The following COL27A1 variants were observed in gnomAD, a reference collection of about 807,000 sequenced individuals.
COL27A1 encodes the protein collagen type XXVII alpha 1 chain.
In COL27A1, 106 loss-of-function variants were observed where a neutral mutation model predicts 251.3. The ratio of observed to expected loss-of-function variants is 0.42; its 90% confidence interval spans 0.36 to 0.50. COL27A1 has a LOEUF of 0.50. Ranked by LOEUF, COL27A1 falls within the 20% of genes least tolerant of loss-of-function variation. The pLI is 0.00. For synonymous variants in COL27A1, 1,000 were observed against 986.3 expected (o/e 1.01, Z -0.26); for missense variants, 2,325 against 2,522.8 (o/e 0.92, Z 1.68).
intron 3 of COL27A1, among the ~76,000 whole-genome samples, chr9:114,176,673 T>C (rs1175502932): frequency 2.0e-5 from 3 of 152,082 alleles, no homozygotes; most frequent in African/African-American, 7.2e-5. Context: ...ACAACCCCTC[T>C]ACCCACCCCT....
At chr9:114,288,632 C>T (rs1827683299) in intron 42 of COL27A1, 70 bp from the exon 43 acceptor site, 1 of 1,569,532 alleles carries the variant, frequency 6.4e-7, no homozygotes. Context: ...GAGGTCGCGG[C>T]CAACAGGGCC....
chr9:114,236,112 G>T (rs1487710281), intron 17 of COL27A1, among the ~76,000 whole-genome samples: 2 of 151,690 alleles, frequency 1.3e-5, no homozygotes, highest in Non-Finnish European at 2.9e-5. Flanking sequence ...CACACACACA[G>T]ACTGCTACCC....
At chr9:114,252,770 G>A in intron 26 of COL27A1, 109 bp from the exon 27 acceptor site, 4 of 1,399,254 alleles carry the variant, frequency 2.9e-6, no homozygotes, top group South Asian at 1.2e-5. Flanking sequence ...TGTCCAGGGG[G>A]CCTAGCTGCT....
At chr9:114,253,394 AAG>A (rs929556755) in intron 27 of COL27A1, among the ~76,000 whole-genome samples, 18 of 115,540 alleles carry the variant, frequency 1.6e-4, no homozygotes, top group East Asian at 4.2e-4. Context: ...AGAAAAAAGA[AAG>A]AGGAAAAAAG....
At chr9:114,288,560 G>T in intron 42 of COL27A1, 49 bp downstream of exon 42, 1 of 1,569,740 alleles carries the variant, frequency 6.4e-7, no homozygotes, top group East Asian at 2.3e-5. Context: ...GGTGGAATCT[G>T]AGCCTCCCGC....
intron 41 of COL27A1, among the ~76,000 whole-genome samples, chr9:114,285,434 C>T (rs567494558): frequency 2.2e-4 from 33 of 152,276 alleles, no homozygotes; most frequent in Admixed American, 5.2e-4. Context: ...AAACTGGCCC[C>T]AGAACCCACG....
chr9:114,282,524 C>A lies in COL27A1; in HGVS notation c.3839C>A (p.Thr1280Asn). 1 of 1,562,234 alleles carries A rather than the reference C, an allele frequency of 6.4e-7. No individual in the cohort carries two copies. The highest frequency in any genetic ancestry group is 1.4e-5 in the African/African-American group (1 of 73,280). ...GVPGDPGPPG[T>N]PGPKGSRGSL... Reference sequence around the variant, plus strand: ...CCTGGAGACCCTGGACCCCCTGGCACTCCAGGCCCTAAAGGGTCCCGGGGC... The same window carrying A: ...CCTGGAGACCCTGGACCCCCTGGCAATCCAGGCCCTAAAGGGTCCCGGGGC... Residue 1280 changes from threonine to asparagine, a missense_variant, in exon 39 of 61, where the codon ACT becomes AAT. Thr to Asn is a moderately conservative substitution (Grantham distance 65). Coordinates refer to ENST00000356083, the MANE Select transcript of COL27A1 (RefSeq NM_032888.4).
rs775492712 is a variant in COL27A1, at chr9:114,283,789, C to T, written c.3933+27C>T. On this transcript the variant is annotated intron_variant, in intron 40 of 60. Transcript: ENST00000356083. Reference sequence around the variant, plus strand: ...TAAGCAGATATCACCTCACCCCACCCCCCGACTCTGTCCTGCAGGCCTGGA... The same window carrying T: ...TAAGCAGATATCACCTCACCCCACCTCCCGACTCTGTCCTGCAGGCCTGGA... 4 of 1,612,450 alleles carry T rather than the reference C, an allele frequency of 2.5e-6. No individual in the cohort carries two copies. In the Admixed American group the frequency reaches 6.7e-5, roughly 27 times the overall value.
intron 10 of COL27A1, among the ~76,000 whole-genome samples, chr9:114,207,103 C>T (rs150684544): frequency 2.7e-3 from 415 of 152,326 alleles, no homozygotes; most frequent in African/African-American, 9.4e-3. Flanking sequence ...CCAAGTCTTC[C>T]GAGGCCTGGA....
chr9:114,165,661 C>G (rs1403183319), intron 2 of COL27A1, among the ~76,000 whole-genome samples: 1 of 150,470 alleles, frequency 6.6e-6, no homozygotes, highest in Admixed American at 6.6e-5. Flanking sequence ...TCCATCCATC[C>G]ATCCATCCAT....
Position 114,302,121 on chromosome 9 carries a change from CCTT to C in COL27A1, c.4872+16_4872+18del. 1.9e-6 allele frequency: 3 copies of C among 1,610,616 alleles called. No homozygotes were observed. Among genetic ancestry groups the C allele is most frequent in the South Asian group, 1.1e-5 (1 of 91,010 alleles). ...TCCTATCCAATTGGTAAGTTGGAAA[CCTT>C]CTCTTTTGCCTACTTGGGGTAAGGC... On this transcript the variant is annotated intron_variant, in intron 56 of 60. Coordinates refer to ENST00000356083, the MANE Select transcript of COL27A1 (RefSeq NM_032888.4).
At chr9:114,275,638 C>G in intron 36 of COL27A1, 23 bp from the exon 37 acceptor site, 1 of 1,484,586 alleles carries the variant, frequency 6.7e-7, no homozygotes, top group Non-Finnish European at 9.2e-7. Context: ...CTCTCTCTCC[C>G]CTCTTCATGC....
At chr9:114,215,774 C>A (rs544404186) in intron 12 of COL27A1, among the ~76,000 whole-genome samples, 180 of 152,296 alleles carry the variant, frequency 1.2e-3, no homozygotes, top group Non-Finnish European at 2.2e-3. Context: ...TATTCCCACT[C>A]TTGATATAAA....
intron 4 of COL27A1, among the ~76,000 whole-genome samples, chr9:114,181,582 G>A (rs745366385): frequency 3.7e-4 from 57 of 152,180 alleles, no homozygotes; most frequent in Non-Finnish European, 5.3e-4. Context: ...ACCCTTGAGG[G>A]TGCCTCTCCT....
At position 114,307,698 on chromosome 9, in the gene COL27A1, T is replaced by A. The variant is rs1463765239; in HGVS notation, c.5137T>A (p.Cys1713Ser). 6.2e-7 allele frequency: 1 copy of A among 1,614,152 alleles called. No individual in the cohort carries two copies. Among genetic ancestry groups the A allele is most frequent in the South Asian group, 1.1e-5 (1 of 91,078 alleles). ...GTYWVDPNLG[C>S]SSDTIEVSCN... ...CTACTGGGTGGATCCAAACCTTGGC[T>A]GCTCCTCTGACACCATCGAGGTCTC... The change falls in exon 59 of 61, where the codon TGC (cysteine) becomes AGC (serine). Residue 1713 changes from cysteine (C) to serine (S), a missense_variant. Physicochemically the swap from Cys to Ser is moderately radical, Grantham distance 112. This residue lies in a region of COL27A1 where 327 missense variants were observed against 442.8 expected (regional missense o/e 0.74). Coordinates refer to ENST00000356083, the MANE Select transcript of COL27A1 (RefSeq NM_032888.4).
intron 37 of COL27A1, among the ~76,000 whole-genome samples, chr9:114,277,371 G>A (rs931195290): frequency 1.3e-5 from 2 of 152,134 alleles, no homozygotes; most frequent in African/African-American, 4.8e-5. Context: ...TCCCTGGGGT[G>A]TCATTTTCAC....
intron 16 of COL27A1, among the ~76,000 whole-genome samples, chr9:114,234,952 G>A (rs953274157): frequency 6.6e-6 from 1 of 151,056 alleles, no homozygotes; most frequent in African/African-American, 2.4e-5. Flanking sequence ...GGTGGCACGC[G>A]CCTGTAGTCC....
rs2241671 is a variant in COL27A1 at position 114,168,819 on chromosome 9, G to T, written c.1264G>T (p.Ala422Ser). The T allele has an allele frequency of 1.2e-6, 2 of 1,613,470 alleles. No homozygotes were observed. The highest frequency in any genetic ancestry group is 1.3e-5 in the African/African-American group (1 of 74,752). ...AGTTCCTGCCAGAGTCTCCCGTCCCGCAGAGAAGCCCATCCAGAGGAACCC... is the reference window on the plus strand; with the variant it reads ...AGTTCCTGCCAGAGTCTCCCGTCCCTCAGAGAAGCCCATCCAGAGGAACCC... Reference protein sequence around the residue: ...RPVPARVSRPAEKPIQRNPGM... With the variant: ...RPVPARVSRPSEKPIQRNPGM... Residue 422 changes from alanine to serine, a missense_variant, in exon 3 of 61, where the codon GCA (alanine) becomes TCA (serine). By Grantham distance (99) the Ala-to-Ser change is moderately conservative (BLOSUM62 1). Around this residue, in one of 4 missense-constraint regions of COL27A1, gnomAD observed 1,183 missense variants for 1,144.1 expected, o/e 1.03. Transcript: ENST00000356083.
In COL27A1 at chr9:114,290,570, G is replaced by A. The variant is rs185816269; in HGVS notation, c.4368+239G>A. Among the ~76,000 whole-genome samples, 522 of 152,134 alleles carry A rather than the reference G, an allele frequency of 3.4e-3. 3 individuals carry two copies. The highest frequency in any genetic ancestry group is 0.012 in the African/African-American group (505 of 41,492). ...AGACCTTCCTTTCCTCCCCTGCCTGGTGGATAGGGTTCCTCTCCCGCCCCT... is the reference window on the plus strand; with the variant it reads ...AGACCTTCCTTTCCTCCCCTGCCTGATGGATAGGGTTCCTCTCCCGCCCCT... On this transcript the variant is annotated intron_variant, in intron 47 of 60. Coordinates refer to ENST00000356083, the MANE Select transcript of COL27A1 (RefSeq NM_032888.4). The surrounding 1 kb of genome is among the most constrained non-coding windows in gnomAD (Gnocchi z 4.6).
Sources: allele counts gnomAD v4.1 joint callset (sites outside exome capture counted in the v4.1 genomes callset), GRCh38; gene constraint gnomAD v4.1.1; regional missense constraint gnomAD v4.1.1; non-coding constraint Gnocchi (gnomAD v3.1); transcripts MANE v1.5; gene names NCBI Gene and HGNC (gene_info 2026-07-23, HGNC 2026-07-21).